DLGAP2: variants seen among roughly 807,000 people sequenced by gnomAD.
The protein encoded by DLGAP2 is DLG associated protein 2.
A neutral mutation model predicts 100.3 loss-of-function variants in DLGAP2; 26 were observed. The observed-to-expected ratio is 0.26, with a 90% CI of 0.19 to 0.36. The LOEUF is 0.36. Among genes scored for constraint, DLGAP2 ranks in the 10% least tolerant of loss-of-function variants. The pLI, the probability that DLGAP2 is intolerant of heterozygous loss-of-function variation, is 1.00. For synonymous variants in DLGAP2, 886 were observed against 630.1 expected, an observed-to-expected ratio of 1.41 and a Z score of -6.08; for missense variants, 1,858 against 1,453.2, an observed-to-expected ratio of 1.28 and a Z score of -4.53.
At chr8:1,536,883 G>A (rs1801170504) in intron 4 of DLGAP2, among the ~76,000 whole-genome samples, 2 of 152,126 alleles carry the variant, frequency 1.3e-5, no homozygotes, top group South Asian at 2.1e-4. Context: ...CGACATGAGG[G>A]CATTCAGTGC....
chr8:1,691,834 C>A (rs1799269778), intron 13 of DLGAP2, among the ~76,000 whole-genome samples: 1 of 148,716 alleles, frequency 6.7e-6, no homozygotes, highest in Non-Finnish European at 1.5e-5. Flanking sequence ...GAGGCGGATA[C>A]GGCCCTGGTT....
At chr8:1,121,489 C>A (rs1345884615) in intron 2 of DLGAP2, among the ~76,000 whole-genome samples, 1 of 152,146 alleles carries the variant, frequency 6.6e-6, no homozygotes, top group Non-Finnish European at 1.5e-5. Context: ...GAACCCATGA[C>A]CTCCCATCCT....
intron 1 of DLGAP2, among the ~76,000 whole-genome samples, chr8:851,077 A>T (rs753047722): frequency 6.6e-6 from 1 of 152,124 alleles, no homozygotes; most frequent in Non-Finnish European, 1.5e-5. Context: ...TTAACATATG[A>T]TTTTTCTGTT....
At chr8:881,666 A>ATGTGTATATAT in intron 1 of DLGAP2, among the ~76,000 whole-genome samples, 4 of 131,070 alleles carry the variant, frequency 3.1e-5, no homozygotes, top group South Asian at 2.4e-4. Context: ...CTTGTGGCTG[A>ATGTGTATATAT]ACACACACAC....
At chr8:1,653,585 A>C (rs893147479) in intron 8 of DLGAP2, among the ~76,000 whole-genome samples, 1 of 152,186 alleles carries the variant, frequency 6.6e-6, no homozygotes, top group Non-Finnish European at 1.5e-5. Flanking sequence ...CAGCCCTCTG[A>C]TGGGTCCGTC....
chr8:1,128,143 G>A (rs377425059), intron 2 of DLGAP2, among the ~76,000 whole-genome samples: 2 of 147,482 alleles, frequency 1.4e-5, no homozygotes, highest in Non-Finnish European at 3.0e-5. Context: ...TGTTGTGTTC[G>A]GTGAGGACCT....
intron 2 of DLGAP2, among the ~76,000 whole-genome samples, chr8:1,246,612 AC>A (rs1179546272): frequency 1.3e-5 from 2 of 152,210 alleles, no homozygotes; most frequent in Non-Finnish European, 2.9e-5. Context: ...TAAACTTACC[AC>A]CCAAGTTTAG....
At chr8:1,472,831 G>A (rs1167750160) in intron 3 of DLGAP2, among the ~76,000 whole-genome samples, 1 of 152,192 alleles carries the variant, frequency 6.6e-6, no homozygotes, top group African/African-American at 2.4e-5. Flanking sequence ...AACTGGTTTA[G>A]CAGTTTTTAA....
At chr8:1,631,315 C>CAG (rs1797639536) in intron 7 of DLGAP2, among the ~76,000 whole-genome samples, 1 of 152,106 alleles carries the variant, frequency 6.6e-6, no homozygotes, top group African/African-American at 2.4e-5. Context: ...GTCGGGCTTA[C>CAG]AGAAGGGTGT....
chr8:1,659,434 C>T (rs879580955), intron 8 of DLGAP2, among the ~76,000 whole-genome samples: 2 of 152,190 alleles, frequency 1.3e-5, no homozygotes, highest in Non-Finnish European at 2.9e-5. Context: ...CTAATATTGA[C>T]AGTGGGATGT....
At chr8:1,176,244 C>A (rs1440960770) in intron 2 of DLGAP2, among the ~76,000 whole-genome samples, 1 of 152,116 alleles carries the variant, frequency 6.6e-6, no homozygotes, top group Non-Finnish European at 1.5e-5. Flanking sequence ...AACCATCAGA[C>A]CTCGTGAGAA....
intron 2 of DLGAP2, among the ~76,000 whole-genome samples, chr8:928,279 T>A (rs1798862884): frequency 6.6e-6 from 1 of 152,202 alleles, no homozygotes; most frequent in African/African-American, 2.4e-5. Flanking sequence ...TGGACACGGT[T>A]TACCGAGGTT....
At chr8:1,506,082 TAG>T (rs1359338837) in intron 4 of DLGAP2, among the ~76,000 whole-genome samples, 1 of 152,190 alleles carries the variant, frequency 6.6e-6, no homozygotes, top group Non-Finnish European at 1.5e-5. Context: ...GGCAGGCACA[TAG>T]ATTGTGAACA....
chr8:1,494,433 G>C (rs1799486719), intron 3 of DLGAP2, among the ~76,000 whole-genome samples: 1 of 152,212 alleles, frequency 6.6e-6, no homozygotes, highest in African/African-American at 2.4e-5. Flanking sequence ...AGGTCTTTAA[G>C]AAATGAGGGG....
intron 1 of DLGAP2, among the ~76,000 whole-genome samples, chr8:897,378 A>G (rs1798163219): frequency 6.6e-6 from 1 of 152,156 alleles, no homozygotes; most frequent in African/African-American, 2.4e-5. Context: ...GTAACTGGAA[A>G]GCTTTAGGAA....
At chr8:967,326 A>C (rs1799896434) in intron 2 of DLGAP2, among the ~76,000 whole-genome samples, 1 of 152,228 alleles carries the variant, frequency 6.6e-6, no homozygotes. Flanking sequence ...TTCGAACATG[A>C]AGGTTCAGAT....
intron 2 of DLGAP2, among the ~76,000 whole-genome samples, chr8:1,233,150 A>G (rs1038493661): frequency 6.6e-6 from 1 of 152,192 alleles, no homozygotes. Flanking sequence ...AGCAAATGAC[A>G]TTCCATTGTT....
intron 2 of DLGAP2, among the ~76,000 whole-genome samples, chr8:1,015,037 C>T (rs867853061): frequency 0.012 from 53 of 4,286 alleles, no homozygotes; most frequent in Admixed American, 0.036. Flanking sequence ...GGACAGACGG[C>T]GCCTCCACTG....
chr8:791,255 G>T (rs984836359), intron 1 of DLGAP2, among the ~76,000 whole-genome samples: 1 of 152,166 alleles, frequency 6.6e-6, no homozygotes, highest in Admixed American at 6.5e-5. Flanking sequence ...CATGTTTTCT[G>T]AGTGAATGAA....
Sources: allele counts gnomAD v4.1 joint callset (sites outside exome capture counted in the v4.1 genomes callset), GRCh38; gene constraint gnomAD v4.1.1; transcripts MANE v1.5; gene names NCBI Gene and HGNC (gene_info 2026-07-23, HGNC 2026-07-21).